Variants in CDH22 observed in about 807,000 individuals in gnomAD.
CDH22 encodes cadherin 22.
A neutral mutation model predicts 58.4 loss-of-function variants in CDH22; 30 were observed. The ratio of observed to expected loss-of-function variants is 0.51; its 90% CI spans 0.38 to 0.70. The LOEUF (loss-of-function observed/expected upper bound fraction) is 0.70. Ranked by LOEUF, CDH22 falls within the 30% of genes least tolerant of loss-of-function variation. The pLI, the probability that CDH22 is intolerant of heterozygous loss-of-function variation, is 0.00. For missense variants in CDH22, 1,014 were observed against 1,233.9 expected (o/e 0.82, Z 2.67); for synonymous variants, 513 against 558.2 (o/e 0.92, Z 1.14).
chr20:46,285,822 T>C (rs2086574316), intron 1 of CDH22, among the ~76,000 whole-genome samples: 1 of 152,236 alleles, frequency 6.6e-6, no homozygotes, highest in Admixed American at 6.5e-5. Context: ...TGCTGGGTAC[T>C]CAGTGGTGGA....
chr20:46,259,478 T>C (rs1237171422), intron 1 of CDH22, among the ~76,000 whole-genome samples: 1 of 152,208 alleles, frequency 6.6e-6, no homozygotes, highest in Admixed American at 6.5e-5. Flanking sequence ...CTGTAAGTGC[T>C]CTGCAAATTA....
intron 1 of CDH22, among the ~76,000 whole-genome samples, chr20:46,293,832 T>A (rs1282087524): frequency 6.6e-6 from 1 of 152,082 alleles, no homozygotes; most frequent in Non-Finnish European, 1.5e-5. Context: ...CTGGCCAACA[T>A]GGTGAAACCC....
chr20:46,198,527 A>G (rs2085927477), intron 8 of CDH22, among the ~76,000 whole-genome samples: 1 of 152,010 alleles, frequency 6.6e-6, no homozygotes, highest in Non-Finnish European at 1.5e-5. Flanking sequence ...CTATCTCCCA[A>G]GCACTATTGC....
chr20:46,297,818 A>G (rs1398850596), intron 1 of CDH22, among the ~76,000 whole-genome samples: 2 of 151,934 alleles, frequency 1.3e-5, no homozygotes, highest in Non-Finnish European at 2.9e-5. Context: ...GATTAAATGC[A>G]GCCATCTCCT....
chr20:46,283,801 TTC>T (rs1035480099), intron 1 of CDH22, among the ~76,000 whole-genome samples: 2 of 151,692 alleles, frequency 1.3e-5, no homozygotes, highest in Admixed American at 1.3e-4. Context: ...CCCAATCCAT[TTC>T]TCTGTTTCTG....
At chr20:46,285,106 C>T (rs974461730) in intron 1 of CDH22, among the ~76,000 whole-genome samples, 1 of 152,182 alleles carries the variant, frequency 6.6e-6, no homozygotes, top group Admixed American at 6.5e-5. Flanking sequence ...TCATTGGTTC[C>T]CATGTTTAGC....
At chr20:46,306,019 C>T (rs899628723) in intron 1 of CDH22, among the ~76,000 whole-genome samples, 2 of 152,228 alleles carry the variant, frequency 1.3e-5, no homozygotes, top group African/African-American at 2.4e-5. Context: ...GTGACTCACC[C>T]GGAGGTCACA....
intron 10 of CDH22, among the ~76,000 whole-genome samples, chr20:46,182,727 G>A (rs2085798607): frequency 6.6e-6 from 1 of 152,202 alleles, no homozygotes; most frequent in South Asian, 2.1e-4. Flanking sequence ...CCATCCATCT[G>A]GCCTGACATA....
chr20:46,229,290 C>CG lies in CDH22; in HGVS notation c.551-1664_551-1663insC, dbSNP rs34961848. Among the ~76,000 whole-genome samples the CG allele has an allele frequency of 3.9e-4, 19 of 49,334 alleles. No homozygotes were observed. The African/African-American group carries it at 4.7e-3, about 12-fold the overall frequency. 32.4% of individuals were successfully genotyped at this position (49,334 alleles called of 152,430 possible). A position where few individuals can be genotyped will look rare whatever the true frequency, so the allele number is the denominator to read the frequency against. The stretch of plus-strand genomic sequence containing the variant: ...ATAGCATCTCGGAGATGCAGAGTGG[C>CG]CCCCCCCCCCAATTTTACAGCTGAG... On this transcript the variant is annotated intron_variant, in intron 3 of 11. Transcript: ENST00000537909.
intron 8 of CDH22, among the ~76,000 whole-genome samples, chr20:46,195,881 G>A (rs1221843565): frequency 3.3e-5 from 5 of 152,192 alleles, no homozygotes; most frequent in African/African-American, 7.2e-5. Context: ...CTGGCTGAGT[G>A]CAACATTCTC....
chr20:46,189,245 AG>A (rs1209411258), intron 8 of CDH22, among the ~76,000 whole-genome samples: 1 of 152,150 alleles, frequency 6.6e-6, no homozygotes, highest in Non-Finnish European at 1.5e-5. Context: ...CAGTGATTAG[AG>A]GGGGCTTTTC....
chr20:46,293,291 C>T (rs1046771515), intron 1 of CDH22, among the ~76,000 whole-genome samples: 2 of 152,160 alleles, frequency 1.3e-5, no homozygotes, highest in South Asian at 2.1e-4. Context: ...ATAAAAAATG[C>T]TTTTATCCTC....
At chr20:46,243,560 GC>G (rs2086307955) in intron 2 of CDH22, among the ~76,000 whole-genome samples, 1 of 152,128 alleles carries the variant, frequency 6.6e-6, no homozygotes, top group African/African-American at 2.4e-5. Context: ...TCAGTTTAAT[GC>G]CCCCAATAAA....
chr20:46,215,137 C>T (rs563649455), intron 5 of CDH22, among the ~76,000 whole-genome samples: 6 of 152,306 alleles, frequency 3.9e-5, no homozygotes, highest in Admixed American at 2.6e-4. Flanking sequence ...ATGAGTACAT[C>T]CCATGACCCA....
rs545173582 is a variant in CDH22, at chr20:46,250,261, T to A, written c.255+779A>T. On this transcript the variant is annotated intron_variant, in intron 2 of 11. Coordinates refer to ENST00000537909, the MANE Select transcript of CDH22 (RefSeq NM_021248.3). ...AACCGTTTGCAAGCAATGTCTGTGC[T>A]AGGCACTGGGGATTTCGCGGCGAGC... 2.0e-5 allele frequency among the ~76,000 whole-genome samples: 3 copies of A among 152,356 alleles called. No homozygotes were observed. The East Asian group carries it at 5.8e-4, about 29-fold the overall frequency.
chr20:46,209,151 T>C (rs565361268), intron 7 of CDH22, among the ~76,000 whole-genome samples: 7 of 150,764 alleles, frequency 4.6e-5, no homozygotes, highest in South Asian at 2.1e-4. Context: ...TGGGGTGGAG[T>C]TGAAATTTTA....
chr20:46,264,418 G>A (rs980327451), intron 1 of CDH22, among the ~76,000 whole-genome samples: 1 of 152,210 alleles, frequency 6.6e-6, no homozygotes, highest in African/African-American at 2.4e-5. Flanking sequence ...CTTTTACTAT[G>A]TGCCAGGCAT....
At chr20:46,250,729 A>G (rs1353821931) in intron 2 of CDH22, among the ~76,000 whole-genome samples, 1 of 152,214 alleles carries the variant, frequency 6.6e-6, no homozygotes, top group Non-Finnish European at 1.5e-5. Flanking sequence ...TGGAGCAGCT[A>G]GAGTATGTGT....
At chr20:46,306,441 C>G (rs537160675) in intron 1 of CDH22, among the ~76,000 whole-genome samples, 27 of 152,350 alleles carry the variant, frequency 1.8e-4, no homozygotes, top group African/African-American at 6.5e-4. Context: ...ATGGGGCCAC[C>G]CAAGAGGTAC....
Sources: allele counts gnomAD v4.1 joint callset (sites outside exome capture counted in the v4.1 genomes callset), GRCh38; gene constraint gnomAD v4.1.1; transcripts MANE v1.5; gene names NCBI Gene and HGNC (gene_info 2026-07-23, HGNC 2026-07-21).